MTA3: variants seen among roughly 807,000 people sequenced by gnomAD.
MTA3 encodes the protein metastasis-associated protein MTA3.
A neutral mutation model predicts 83.5 loss-of-function variants in MTA3; 34 were observed. That is an observed-to-expected ratio of 0.41 (90% CI 0.31 to 0.54). The LOEUF (loss-of-function observed/expected upper bound fraction) is 0.54, where lower values mean the gene tolerates loss of function less well. Among genes scored for constraint, MTA3 ranks in the 20% least tolerant of loss-of-function variants. The pLI, the probability that MTA3 is intolerant of heterozygous loss-of-function variation, is 0.33. For missense variants in MTA3, 761 were observed against 726.4 expected, an observed-to-expected ratio of 1.05 and a Z score of -0.55; for synonymous variants, 303 against 252.7, an observed-to-expected ratio of 1.20 and a Z score of -1.89.
At chr2:42,585,476 C>CTTTT (rs35808147) in intron 3 of MTA3, among the ~76,000 whole-genome samples, 1 of 119,038 alleles carries the variant, frequency 8.4e-6, no homozygotes, top group South Asian at 2.8e-4. Context: ...TCTTTCTTTT[C>CTTTT]TTTTTTTTTT....
At chr2:42,749,630 G>A (rs1289795174) in intron 16 of MTA3, among the ~76,000 whole-genome samples, 1 of 151,862 alleles carries the variant, frequency 6.6e-6, no homozygotes, top group Non-Finnish European at 1.5e-5. Context: ...ACCATGCCTG[G>A]CTAATTTTTG....
At chr2:42,682,769 T>A in intron 9 of MTA3, 180 bp downstream of exon 9, 1 of 624,630 alleles carries the variant, frequency 1.6e-6, no homozygotes, top group Non-Finnish European at 2.7e-6. Context: ...GAGGAGTAGT[T>A]GTAGTAAGAC....
intron 12 of MTA3, among the ~76,000 whole-genome samples, chr2:42,705,749 C>T (rs1361096712): frequency 6.6e-6 from 1 of 152,048 alleles, no homozygotes; most frequent in Non-Finnish European, 1.5e-5. Flanking sequence ...ACCCCTTTCA[C>T]ACTCACGTAT....
rs910837944 is a variant in MTA3 at position 42,509,138 on chromosome 2, G to A, written c.-141+13884G>A. ...GCTCACTGCAACCTCCACCTCCCAGGTTCAAGCGATTCCCTTGCCTCAGCC... is the reference window on the plus strand; with the variant it reads ...GCTCACTGCAACCTCCACCTCCCAGATTCAAGCGATTCCCTTGCCTCAGCC... On this transcript the variant is annotated intron_variant, in intron 2 of 17. Transcript: ENST00000405592. Among the ~76,000 whole-genome samples the A allele has an allele frequency of 3.9e-5, 6 of 151,932 alleles. No homozygotes were observed. In the South Asian group the frequency reaches 6.2e-4, roughly 16 times the overall value.
chr2:42,604,736 C>T lies in MTA3; in HGVS notation c.191-4722C>T, dbSNP rs561969501. ...CTAGGCAGAGGACCCTGCGGCCTTC[C>T]GCAGTGTTTGTGTCCCTGATTACTT... is the stretch of plus-strand genomic sequence containing the variant. On this transcript the variant is annotated intron_variant, in intron 3 of 16. Transcript: ENST00000405094. Among the ~76,000 whole-genome samples the T allele has an allele frequency of 7.0e-4, 101 of 144,482 alleles. 1 individual carries two copies. Among genetic ancestry groups the T allele is most frequent in the African/African-American group, 2.4e-3 (93 of 38,334 alleles). 94.8% of individuals were successfully genotyped at this position (144,482 alleles called of 152,430 possible).
intron 7 of MTA3, among the ~76,000 whole-genome samples, chr2:42,656,928 C>T (rs1430492898): frequency 3.3e-5 from 5 of 152,082 alleles, no homozygotes; most frequent in African/African-American, 1.2e-4. Flanking sequence ...CTATATGTAG[C>T]AAAGAGATAA....
chr2:42,624,903 G>A (rs1685927660), intron 4 of MTA3, among the ~76,000 whole-genome samples: 1 of 152,056 alleles, frequency 6.6e-6, no homozygotes. Flanking sequence ...TTCTTCGCAT[G>A]TTATCTATTT....
chr2:42,603,169 CAT>C (rs1682800649), intron 3 of MTA3, among the ~76,000 whole-genome samples: 2 of 145,406 alleles, frequency 1.4e-5, no homozygotes, highest in East Asian at 4.1e-4. Context: ...CTTGTTAAAA[CAT>C]GTGGCAAGGC....
intron 2 of MTA3, among the ~76,000 whole-genome samples, chr2:42,553,297 G>T (rs1677208202): frequency 6.6e-6 from 1 of 151,900 alleles, no homozygotes; most frequent in Non-Finnish European, 1.5e-5. Context: ...GGTGGCGGGT[G>T]CCTGTAGTCC....
chr2:42,754,753 C>T lies in MTA3; in HGVS notation c.*1354C>T. On this transcript the variant is annotated 3_prime_UTR_variant, in exon 17 of 17. Coordinates refer to ENST00000405094, the MANE Select transcript of MTA3 (RefSeq NM_001330442.2). ...CCCAAATAGCCAAGCTGTTGCAAGA[C>T]AGAGTGGCTACAATTGAATTGACAC... 1.0e-6 allele frequency: 1 copy of T among 985,542 alleles called. No homozygotes were observed. The highest frequency in any genetic ancestry group is 1.2e-6 in the Non-Finnish European group (1 of 829,986). The allele number at this position is 985,542 out of a possible 1,614,324, so 61.0% of individuals were successfully genotyped here.
chr2:42,705,023 C>G (rs555302818), intron 12 of MTA3, among the ~76,000 whole-genome samples: 1 of 152,048 alleles, frequency 6.6e-6, no homozygotes, highest in African/African-American at 2.4e-5. Context: ...GGGAAGGAAA[C>G]GAATGTTTAT....
At chr2:42,560,057 T>C (rs944072528) in intron 2 of MTA3, among the ~76,000 whole-genome samples, 14 of 152,124 alleles carry the variant, frequency 9.2e-5, no homozygotes, top group African/African-American at 3.4e-4. Flanking sequence ...ATTTTTTTTA[T>C]TTTTAATTTT....
chr2:42,727,057 G>A (rs941539058), intron 16 of MTA3, among the ~76,000 whole-genome samples: 1 of 152,166 alleles, frequency 6.6e-6, no homozygotes, highest in African/African-American at 2.4e-5. Flanking sequence ...TTAGCTGGAT[G>A]TAGTGGCATG....
At chr2:42,530,184 CA>C (rs11372241) in intron 2 of MTA3, among the ~76,000 whole-genome samples, 68 of 136,050 alleles carry the variant, frequency 5.0e-4, no homozygotes, top group Non-Finnish European at 5.0e-4. Flanking sequence ...AACTCCATCT[CA>C]AAAAAAAAAA....
At chr2:42,553,423 C>CA (rs35686153) in intron 2 of MTA3, among the ~76,000 whole-genome samples, 92,554 of 122,374 alleles carry the variant, frequency 0.76, 34,481 homozygotes, top group South Asian at 0.87. Context: ...GACTCCATCT[C>CA]AAAAAAAAAA....
intron 6 of MTA3, among the ~76,000 whole-genome samples, chr2:42,652,874 G>A (rs1688843022): frequency 6.6e-6 from 1 of 152,134 alleles, no homozygotes. Context: ...ACATCCTTGT[G>A]TGTTCCTGAA....
At chr2:42,701,844 G>A (rs1355995832) in intron 11 of MTA3, among the ~76,000 whole-genome samples, 1 of 151,376 alleles carries the variant, frequency 6.6e-6, no homozygotes, top group East Asian at 1.9e-4. Flanking sequence ...ACCTGCCGGG[G>A]GCAGAGGTTG....
chr2:42,690,917 C>A (rs1692834382), intron 9 of MTA3, among the ~76,000 whole-genome samples: 1 of 147,984 alleles, frequency 6.8e-6, no homozygotes, highest in Non-Finnish European at 1.5e-5. Context: ...CACTCTGTTG[C>A]CCAAGCTAGA....
upstream of MTA3, among the ~76,000 whole-genome samples, chr2:42,566,791 C>A (rs1046785302): frequency 2.0e-5 from 3 of 152,130 alleles, no homozygotes; most frequent in Non-Finnish European, 2.9e-5. Context: ...AGCTTGTGAT[C>A]CACTTCTTTG....
Sources: gnomAD v4.1 joint callset for allele counts (sites outside exome capture counted in the v4.1 genomes callset) on GRCh38, gnomAD v4.1.1 for gene constraint, MANE v1.5 for transcripts, NCBI Gene and HGNC (gene_info 2026-07-23, HGNC 2026-07-21) for gene names.